C6: variants seen among roughly 807,000 people sequenced by gnomAD.
The protein encoded by C6 is complement C6.
A neutral mutation model predicts 112.9 loss-of-function variants in C6; 101 were observed. The ratio of observed to expected loss-of-function variants is 0.89; its 90% CI spans 0.76 to 1.06. The LOEUF is 1.06. Among genes scored for constraint, C6 ranks in the 50% least tolerant of loss-of-function variants. The pLI is 0.00. For synonymous variants in C6, 431 were observed against 384.1 expected (o/e 1.12, Z -1.43); for missense variants, 1,202 against 1,104.6 (o/e 1.09, Z -1.25).
chr5:41,240,257 TG>T (rs955476737), intron 1 of C6, among the ~76,000 whole-genome samples: 6 of 152,168 alleles, frequency 3.9e-5, no homozygotes, highest in African/African-American at 9.6e-5. Flanking sequence ...AGTCCAGTTT[TG>T]TTGCCCCATA....
At chr5:41,172,838 C>T (rs1034744170) in intron 8 of C6, among the ~76,000 whole-genome samples, 1 of 152,152 alleles carries the variant, frequency 6.6e-6, no homozygotes, top group Admixed American at 6.5e-5. Context: ...AATTGCTTCC[C>T]TGTTTGTCAC....
intron 6 of C6, among the ~76,000 whole-genome samples, chr5:41,184,770 G>A (rs1012272779): frequency 2.6e-5 from 4 of 152,114 alleles, no homozygotes; most frequent in Admixed American, 6.6e-5. Context: ...CACCACACCC[G>A]GCTAAGCCTA....
intron 17 of C6, among the ~76,000 whole-genome samples, chr5:41,146,713 C>T (rs1164999223): frequency 6.6e-6 from 1 of 151,924 alleles, no homozygotes; most frequent in Non-Finnish European, 1.5e-5. Flanking sequence ...AGTTTGACTA[C>T]CCAAAGCATT....
In C6 at chr5:41,163,515, G is replaced by A. The variant is rs189762369; in HGVS notation, c.1292-1656C>T. On this transcript the variant is annotated intron_variant, in intron 9 of 17. Coordinates refer to ENST00000337836, the MANE Select transcript of C6 (RefSeq NM_000065.5). The stretch of plus-strand genomic sequence containing the variant: ...TTTAGTAGAGACAGGGTTTCACCAC[G>A]TTGGCCAGGATGGTCTTGGTCTCCT... Among the ~76,000 whole-genome samples, 14 of 152,074 alleles carry A rather than the reference G, an allele frequency of 9.2e-5. No individual in the cohort carries two copies. In the South Asian group the frequency reaches 1.2e-3, roughly 14 times the overall value.
chr5:41,247,876 C>T (rs1454180064), intron 1 of C6, among the ~76,000 whole-genome samples: 1 of 151,738 alleles, frequency 6.6e-6, no homozygotes, highest in Non-Finnish European at 1.5e-5. Flanking sequence ...AAAAAAGAGC[C>T]AGAATAAGCA....
At chr5:41,216,543 G>GATA (rs1752201549), upstream of C6, among the ~76,000 whole-genome samples, 1 of 152,052 alleles carries the variant, frequency 6.6e-6, no homozygotes, top group African/African-American at 2.4e-5. Context: ...TGTTCAGACA[G>GATA]ATAATAGAAA....
At chr5:41,241,014 T>A (rs945075328) in intron 1 of C6, among the ~76,000 whole-genome samples, 4 of 152,236 alleles carry the variant, frequency 2.6e-5, no homozygotes, top group South Asian at 2.1e-4. Flanking sequence ...ACTTCCCAGA[T>A]CTTTGGGCAG....
At chr5:41,192,603 GT>G (rs113068492) in intron 5 of C6, among the ~76,000 whole-genome samples, 14 of 151,028 alleles carry the variant, frequency 9.3e-5, no homozygotes, top group Non-Finnish European at 1.6e-4. Flanking sequence ...ATCTTGGTAA[GT>G]TTTTTTTTGT....
rs2150232325 is a variant in C6 at position 41,149,990 on chromosome 5, C to T, written c.2326G>A (p.Gly776Arg). Residue 776 changes from glycine (G) to arginine (R), a missense_variant, in exon 16 of 18, where the codon GGA (glycine) becomes AGA (arginine). Physicochemically the swap from Gly to Arg is moderately radical, Grantham distance 125. Transcript: ENST00000337836. ...LTKLKGHCQL[G>R]QKQSGSECIC... ...CATTCAGATCCTGATTGTTTCTGTC[C>T]CAGCTGACAATGGCCTTTTAATTTT... 1 of 1,613,118 alleles carries T rather than the reference C, an allele frequency of 6.2e-7. No homozygotes were observed. The highest frequency in any genetic ancestry group is 1.1e-5 in the South Asian group (1 of 91,056).
In C6 at chr5:41,186,066, A is replaced by G. The variant is rs367869052; in HGVS notation, c.726+4T>C. 72 of 1,613,810 alleles carry G rather than the reference A, an allele frequency of 4.5e-5. No homozygotes were observed. The African/African-American group carries it at 8.1e-4, about 18-fold the overall frequency. ...GGAGTTGCCACCATGCTAGGCTGTCATACCTCAAAGCCGACATTTTCCAGA... is the reference window on the plus strand; with the variant it reads ...GGAGTTGCCACCATGCTAGGCTGTCGTACCTCAAAGCCGACATTTTCCAGA... On this transcript the variant is annotated splice_donor_region_variant and intron_variant, in intron 6 of 17. Transcript: ENST00000337836.
At chr5:41,170,651 G>A (rs937837066) in intron 9 of C6, among the ~76,000 whole-genome samples, 5 of 152,050 alleles carry the variant, frequency 3.3e-5, no homozygotes, top group Non-Finnish European at 7.4e-5. Context: ...ACACAGTCAT[G>A]TGTATGTAGA....
rs2150322949 is a variant in C6 at position 41,181,432 on chromosome 5, TA to T, written c.853del (p.Tyr285IlefsTer35). The T allele has an allele frequency of 6.2e-7, 1 of 1,613,770 alleles. No individual in the cohort carries two copies. The highest frequency in any genetic ancestry group is 8.5e-7 in the Non-Finnish European group (1 of 1,179,816). ...GGSSFSVPIFYSSKRSENINH... is the reference protein window; with the variant it reads ...GGSSFSVPIFXSSKRSENINH... Reference sequence around the variant, plus strand: ...GATATTTTCACTTCTCTTTGAGGAATAAAAAATTGGTACACTGAAAGAGCTC... The same window carrying T: ...GATATTTTCACTTCTCTTTGAGGAATAAAAATTGGTACACTGAAAGAGCTC... On this transcript the variant is annotated frameshift_variant, in exon 7 of 18. Coordinates refer to ENST00000337836, the MANE Select transcript of C6 (RefSeq NM_000065.5). LOFTEE classifies it high-confidence loss of function.
chr5:41,247,436 C>G (rs777151740), intron 1 of C6, among the ~76,000 whole-genome samples: 1 of 151,852 alleles, frequency 6.6e-6, no homozygotes, highest in Non-Finnish European at 1.5e-5. Context: ...TTTACAATAG[C>G]CACAGAAAAG....
intron 6 of C6, among the ~76,000 whole-genome samples, chr5:41,184,643 T>C (rs1042700115): frequency 6.6e-6 from 1 of 152,084 alleles, no homozygotes; most frequent in Non-Finnish European, 1.5e-5. Context: ...AGCTAAGTTT[T>C]GTATTTTTAG....
At chr5:41,195,045 G>A (rs1002971715) in intron 5 of C6, among the ~76,000 whole-genome samples, 2 of 152,174 alleles carry the variant, frequency 1.3e-5, no homozygotes, top group Non-Finnish European at 2.9e-5. Context: ...GACTTGGTCA[G>A]GTTATGTAAG....
At chr5:41,236,455 A>G (rs2150419444) in intron 1 of C6, among the ~76,000 whole-genome samples, 1 of 150,342 alleles carries the variant, frequency 6.7e-6, no homozygotes, top group South Asian at 2.1e-4. Context: ...TGGAAACTGA[A>G]CAACCTGCTC....
At chr5:41,205,053 A>G (rs368854052) in intron 1 of C6, among the ~76,000 whole-genome samples, 1 of 152,210 alleles carries the variant, frequency 6.6e-6, no homozygotes, top group East Asian at 1.9e-4. Flanking sequence ...AAATGGAATG[A>G]ACACACATTT....
Position 41,172,330 on chromosome 5 carries a change from C to A in C6, c.1186G>T (p.Ala396Ser), listed in dbSNP as rs765761929. ...GTTTCAATCCTGACACAGTGTTTGG[C>A]TTCTTCCTCGGTTAAACCTAGGAGA... The part of the protein sequence containing the change: ...LKNSGLTEEE[A>S]KHCVRIETKK... The change falls in exon 9 of 18, where the codon GCC becomes TCC. Residue 396 changes from alanine (A) to serine (S), a missense_variant. Ala to Ser is a moderately conservative substitution (Grantham distance 99). Coordinates refer to ENST00000337836, the MANE Select transcript of C6 (RefSeq NM_000065.5). The A allele has an allele frequency of 1.9e-6, 3 of 1,613,666 alleles. No homozygotes were observed. The highest frequency in any genetic ancestry group is 2.5e-6 in the Non-Finnish European group (3 of 1,179,764).
rs964559192 is a variant in C6 at position 41,196,652 on chromosome 5, A to G, written c.446-719T>C. Among the ~76,000 whole-genome samples the G allele has an allele frequency of 1.1e-4, 16 of 151,162 alleles. No individual in the cohort carries two copies. In the South Asian group the frequency reaches 2.9e-3, roughly 27 times the overall value. On this transcript the variant is annotated intron_variant, in intron 4 of 17. Coordinates refer to ENST00000337836, the MANE Select transcript of C6 (RefSeq NM_000065.5). ...ACAGATTTTATTAAATATATTAAATATATCTACTATCTATTTTACTATATA... is the reference window on the plus strand; with the variant it reads ...ACAGATTTTATTAAATATATTAAATGTATCTACTATCTATTTTACTATATA...
Sources: gnomAD v4.1 joint callset for allele counts (sites outside exome capture counted in the v4.1 genomes callset) on GRCh38, gnomAD v4.1.1 for gene constraint, MANE v1.5 for transcripts, NCBI Gene and HGNC (gene_info 2026-07-23, HGNC 2026-07-21) for gene names.